Variants in NUMB observed in about 807,000 individuals in gnomAD.
NUMB encodes NUMB endocytic adaptor protein.
NUMB carries 29 observed loss-of-function variants against 59.7 expected under a neutral mutation model. The ratio of observed to expected loss-of-function variants is 0.49; its 90% CI spans 0.36 to 0.66. The LOEUF is 0.66. Among genes scored for constraint, NUMB ranks in the 30% least tolerant of loss-of-function variants. The probability of loss-of-function intolerance (pLI) is 0.00; values close to 1 mark genes in which losing one functional copy is unlikely to be tolerated. For synonymous variants in NUMB, 288 were observed against 288.2 expected, an observed-to-expected ratio of 1.00 and a Z score of 0.01; for missense variants, 723 against 822.0, an observed-to-expected ratio of 0.88 and a Z score of 1.47.
chr14:73,276,328 G>A lies in NUMB; in HGVS notation c.*250C>T. On this transcript the variant is annotated 3_prime_UTR_variant, in exon 13 of 13. Coordinates refer to ENST00000555238, the MANE Select transcript of NUMB (RefSeq NM_001005743.2). ...AGAGATTTGTAAGGGGGTAAGGGAA[G>A]AGGGAGTACAGAAAGCAACATTTCC... The A allele has an allele frequency of 2.3e-6, 1 of 431,038 alleles. No homozygotes were observed. The highest frequency in any genetic ancestry group is 4.2e-6 in the Non-Finnish European group (1 of 240,536). The allele number at this position is 431,038 out of a possible 1,614,324, so 26.7% of individuals were successfully genotyped here.
intron 2 of NUMB, among the ~76,000 whole-genome samples, chr14:73,390,205 TG>T (rs1392012607): frequency 6.6e-6 from 1 of 152,150 alleles, no homozygotes; most frequent in Non-Finnish European, 1.5e-5. Flanking sequence ...TATCAAAAAA[TG>T]GGAACAAGTT....
intron 11 of NUMB, among the ~76,000 whole-genome samples, chr14:73,280,747 G>A (rs571079609): frequency 1.6e-3 from 225 of 136,998 alleles, no homozygotes; most frequent in African/African-American, 5.8e-3. Flanking sequence ...AGGCTGGAGT[G>A]CAATGGTGTG....
chr14:73,281,571 CAGCTCAA>C (rs1203295013), intron 11 of NUMB: 3 of 152,222 alleles, frequency 2.0e-5, no homozygotes, highest in Non-Finnish European at 2.9e-5. Flanking sequence ...GCAATTATAG[CAGCTCAA>C]ATTCTACAAG....
intron 2 of NUMB, among the ~76,000 whole-genome samples, chr14:73,385,021 G>GT (rs1410716872): frequency 1.3e-5 from 2 of 151,102 alleles, no homozygotes; most frequent in African/African-American, 2.4e-5. Context: ...AGCCTCCTGA[G>GT]TAGCTGGGAT....
intron 4 of NUMB, among the ~76,000 whole-genome samples, chr14:73,342,003 G>A (rs577086071): frequency 3.3e-5 from 5 of 152,184 alleles, no homozygotes; most frequent in Admixed American, 6.5e-5. Context: ...GTTACTAAAC[G>A]AAGTTGAACT....
In NUMB at chr14:73,310,052, G is replaced by C. The variant is rs148557930; in HGVS notation, c.234+6338C>G. ...TATATTAACAGGATCTGTTAGAACA[G>C]ATATTATAATATTTTTGGTGATTTT... On this transcript the variant is annotated intron_variant, in intron 6 of 12. Transcript: ENST00000555238. 6.8e-3 allele frequency among the ~76,000 whole-genome samples: 1,035 copies of C among 152,252 alleles called. 4 individuals carry two copies. Among genetic ancestry groups the C allele is most frequent in the South Asian group, 0.03 (144 of 4,826 alleles).
intron 4 of NUMB, among the ~76,000 whole-genome samples, chr14:73,323,810 G>A (rs2139926089): frequency 6.6e-6 from 1 of 152,306 alleles, no homozygotes; most frequent in South Asian, 2.1e-4. Context: ...AAATTGAAAG[G>A]TTGAAAGACT....
rs1322899489 is a variant in NUMB at position 73,366,993 on chromosome 14, GAAT to G, written c.-100-15_-100-13del. On this transcript the variant is annotated splice_polypyrimidine_tract_variant and intron_variant, in intron 2 of 12. Coordinates refer to ENST00000555238, the MANE Select transcript of NUMB (RefSeq NM_001005743.2). ...CTCAGTTTCCTCATCTGTAAAATGA[GAAT>G]AATAAACATCTCACAAAATTGTTGT... The G allele has an allele frequency of 2.0e-5, 3 of 151,926 alleles. No individual in the cohort carries two copies. Among genetic ancestry groups the G allele is most frequent in the African/African-American group, 4.8e-5 (2 of 41,328 alleles). 9.4% of individuals were successfully genotyped at this position (151,926 alleles called of 1,614,324 possible).
intron 2 of NUMB, among the ~76,000 whole-genome samples, chr14:73,389,301 A>AAAAAC (rs1895727935): frequency 7.3e-6 from 1 of 137,332 alleles, no homozygotes; most frequent in African/African-American, 2.7e-5. Flanking sequence ...AAACAAAAAC[A>AAAAAC]AAAACACTGG....
At chr14:73,305,899 T>C (rs1890402256) in intron 6 of NUMB, among the ~76,000 whole-genome samples, 1 of 152,230 alleles carries the variant, frequency 6.6e-6, no homozygotes, top group East Asian at 1.9e-4. Flanking sequence ...GTGTGCCTTG[T>C]AATAAACAAA....
At chr14:73,415,771 G>GT (rs1897104344) in intron 1 of NUMB, among the ~76,000 whole-genome samples, 1 of 151,586 alleles carries the variant, frequency 6.6e-6, no homozygotes, top group Admixed American at 6.6e-5. Context: ...CCGGCCTCTT[G>GT]TAACTATTTT....
In NUMB at chr14:73,282,424, G is replaced by A; in HGVS notation, c.1031C>T (p.Pro344Leu). Residue 344 changes from proline (P) to leucine (L), a missense_variant, in exon 11 of 13, where the codon CCC (proline) becomes CTC (leucine). Transcript: ENST00000555238. ...ITNAFSTPED[P>L]FSSAPMTKPV... is the part of the protein sequence containing the mutation. Reference sequence around the variant, plus strand: ...TTTGGTCATCGGAGCAGATGAGAAGGGGTCCTCAGGTGTGCTGAAGGCATT... The same window carrying A: ...TTTGGTCATCGGAGCAGATGAGAAGAGGTCCTCAGGTGTGCTGAAGGCATT... 1 of 1,614,168 alleles carries A rather than the reference G, an allele frequency of 6.2e-7. No individual in the cohort carries two copies. The highest frequency in any genetic ancestry group is 8.5e-7 in the Non-Finnish European group (1 of 1,180,024).
intron 2 of NUMB, among the ~76,000 whole-genome samples, chr14:73,384,715 G>A (rs935040200): frequency 3.4e-5 from 5 of 145,768 alleles, no homozygotes; most frequent in African/African-American, 7.8e-5. Context: ...TTATAGGCAC[G>A]TGCCACCACG....
chr14:73,308,516 C>T (rs1170723626), intron 6 of NUMB, among the ~76,000 whole-genome samples: 1 of 152,176 alleles, frequency 6.6e-6, no homozygotes, highest in Non-Finnish European at 1.5e-5. Flanking sequence ...CTAATCTTCA[C>T]AACAATCACA....
At chr14:73,345,614 A>G (rs999755836) in intron 4 of NUMB, among the ~76,000 whole-genome samples, 11 of 152,188 alleles carry the variant, frequency 7.2e-5, no homozygotes, top group African/African-American at 1.2e-4. Flanking sequence ...GTAGAAATTA[A>G]AAATAAGAAC....
chr14:73,447,185 CAA>C (rs1300208842), intron 1 of NUMB, among the ~76,000 whole-genome samples: 3 of 104,538 alleles, frequency 2.9e-5, no homozygotes, highest in Non-Finnish European at 5.9e-5. Context: ...GACTCCATCT[CAA>C]AAAAAAAAAA....
Position 73,276,844 on chromosome 14 carries a change from G to A in NUMB, c.1690C>T (p.His564Tyr). 1 of 1,614,138 alleles carries A rather than the reference G, an allele frequency of 6.2e-7. No homozygotes were observed. Among genetic ancestry groups the A allele is most frequent in the South Asian group, 1.1e-5 (1 of 91,076 alleles). The change falls in exon 13 of 13, where the codon CAC becomes TAC. Residue 564 changes from histidine to tyrosine, a missense_variant. Physicochemically the swap from His to Tyr is moderately conservative, Grantham distance 83. Coordinates refer to ENST00000555238, the MANE Select transcript of NUMB (RefSeq NM_001005743.2). ...PSLVRQQTFP[H>Y]YEASSATTSP... Reference sequence around the variant, plus strand: ...GTGGTAGCACTGCTTGCCTCGTAGTGAGGGAATGTCTGCTGCCTGACCAGG... The same window carrying A: ...GTGGTAGCACTGCTTGCCTCGTAGTAAGGGAATGTCTGCTGCCTGACCAGG...
chr14:73,344,550 C>G (rs1892808776), intron 4 of NUMB, among the ~76,000 whole-genome samples: 1 of 152,198 alleles, frequency 6.6e-6, no homozygotes, highest in African/African-American at 2.4e-5. Flanking sequence ...TTTCTAGCAT[C>G]CATATGCTCA....
chr14:73,296,933 C>A (rs148280750), intron 7 of NUMB, among the ~76,000 whole-genome samples: 2 of 151,620 alleles, frequency 1.3e-5, no homozygotes, highest in African/African-American at 4.9e-5. Context: ...TTTGGGAGGC[C>A]GAGGTGGGCG....
Sources: allele counts gnomAD v4.1 joint callset (sites outside exome capture counted in the v4.1 genomes callset), GRCh38; gene constraint gnomAD v4.1.1; transcripts MANE v1.5; gene names NCBI Gene and HGNC (gene_info 2026-07-23, HGNC 2026-07-21).